The following CLSTN1 variants were observed in gnomAD, a reference collection of about 807,000 sequenced individuals.
CLSTN1 encodes calsyntenin 1, also known as calsyntenin-1.
CLSTN1 carries 28 observed loss-of-function variants against 108.3 expected under a neutral mutation model. The ratio of observed to expected loss-of-function variants is 0.26; its 90% CI spans 0.19 to 0.35. The LOEUF (loss-of-function observed/expected upper bound fraction) is 0.35. CLSTN1 is among the 10% of genes least tolerant of loss of function. The pLI, the probability that CLSTN1 is intolerant of heterozygous loss-of-function variation, is 1.00. For missense variants in CLSTN1, 1,157 were observed against 1,302.6 expected (o/e 0.89, Z 1.72); for synonymous variants, 524 against 534.9 (o/e 0.98, Z 0.28).
intron 11 of CLSTN1, among the ~76,000 whole-genome samples, chr1:9,736,836 G>A (rs1650715978): frequency 6.6e-6 from 1 of 152,142 alleles, no homozygotes; most frequent in South Asian, 2.1e-4. Flanking sequence ...CGCTTCAGGA[G>A]GCCGAGGCGG....
chr1:9,736,834 G>A lies in CLSTN1; in HGVS notation c.1576+664C>T, dbSNP rs185443261. Among the ~76,000 whole-genome samples the A allele has an allele frequency of 2.6e-5, 4 of 152,280 alleles. No homozygotes were observed. In the South Asian group the frequency reaches 6.2e-4, roughly 24 times the overall value. Reference sequence around the variant, plus strand: ...CACGCCTGTAATCCCAGCGCTTCAGGAGGCCGAGGCGGGTGGATCACCTGA... The same window carrying A: ...CACGCCTGTAATCCCAGCGCTTCAGAAGGCCGAGGCGGGTGGATCACCTGA... On this transcript the variant is annotated intron_variant, in intron 11 of 18. Coordinates refer to ENST00000377298, the MANE Select transcript of CLSTN1 (RefSeq NM_001009566.3).
intron 4 of CLSTN1, among the ~76,000 whole-genome samples, chr1:9,754,704 A>C (rs986068517): frequency 1.3e-5 from 2 of 152,008 alleles, no homozygotes; most frequent in African/African-American, 2.4e-5. Flanking sequence ...AAAAATACAA[A>C]ATTAGCTGAG....
chr1:9,772,117 C>T (rs1557707871), intron 2 of CLSTN1, among the ~76,000 whole-genome samples: 2 of 141,550 alleles, frequency 1.4e-5, no homozygotes, highest in African/African-American at 2.6e-5. Context: ...CCTAGGACTA[C>T]AGGCGCCCAC....
At chr1:9,779,118 G>A (rs1443897241) in intron 1 of CLSTN1, among the ~76,000 whole-genome samples, 2 of 152,110 alleles carry the variant, frequency 1.3e-5, no homozygotes, top group Non-Finnish European at 1.5e-5. Flanking sequence ...GGGGTCTGCC[G>A]GCAGGAGGTA....
At chr1:9,808,519 C>G (rs1031826772) in intron 1 of CLSTN1, among the ~76,000 whole-genome samples, 1 of 152,142 alleles carries the variant, frequency 6.6e-6, no homozygotes, top group African/African-American at 2.4e-5. Context: ...AGTTACCTTT[C>G]CAAATCAGAA....
At chr1:9,796,561 G>T (rs1306313756) in intron 1 of CLSTN1, among the ~76,000 whole-genome samples, 1 of 150,756 alleles carries the variant, frequency 6.6e-6, no homozygotes, top group Non-Finnish European at 1.5e-5. Context: ...GCAGGCGCCT[G>T]TAGTCCCAGC....
chr1:9,766,789 A>G (rs1346881542), intron 2 of CLSTN1, among the ~76,000 whole-genome samples: 1 of 152,272 alleles, frequency 6.6e-6, no homozygotes, highest in Non-Finnish European at 1.5e-5. Flanking sequence ...AACACTTGAC[A>G]AATACCAAGA....
chr1:9,815,720 G>T (rs1309176841), intron 1 of CLSTN1, among the ~76,000 whole-genome samples: 1 of 152,160 alleles, frequency 6.6e-6, no homozygotes. Flanking sequence ...TGGATCACTT[G>T]AGGTCAGGAG....
rs201542560 is a variant in CLSTN1 at position 9,769,130 on chromosome 1, T to TGAGAGGGA, written c.214+4134_214+4141dup. 6.0e-3 allele frequency among the ~76,000 whole-genome samples: 509 copies of TGAGAGGGA among 85,448 alleles called. 6 individuals carry two copies. The East Asian group carries it at 0.061, about 10-fold the overall frequency. 56.1% of individuals were successfully genotyped at this position (85,448 alleles called of 152,430 possible). The stretch of plus-strand genomic sequence containing the variant: ...GGGAAGGAGAGAGAGAGGAAGGAAA[T>TGAGAGGGA]GAGAGGGAGAGAGGGAGGGAGGAAG... On this transcript the variant is annotated intron_variant, in intron 2 of 18. Coordinates refer to ENST00000377298, the MANE Select transcript of CLSTN1 (RefSeq NM_001009566.3).
chr1:9,780,854 G>A (rs1423063007), intron 1 of CLSTN1: 1 of 256,268 alleles, frequency 3.9e-6, no homozygotes, highest in Non-Finnish European at 7.2e-6. Context: ...CAGCCATGGC[G>A]AGTAGCCGTG....
intron 4 of CLSTN1, among the ~76,000 whole-genome samples, chr1:9,753,235 G>C (rs780419134): frequency 6.6e-6 from 1 of 152,180 alleles, no homozygotes; most frequent in Non-Finnish European, 1.5e-5. Context: ...ATCTGATACC[G>C]CTGCTGATGT....
chr1:9,809,855 C>A (rs1343124528), intron 1 of CLSTN1, among the ~76,000 whole-genome samples: 1 of 147,942 alleles, frequency 6.8e-6, no homozygotes, highest in Non-Finnish European at 1.5e-5. Context: ...GAACCGAGAT[C>A]ACACCACCGC....
intron 10 of CLSTN1, among the ~76,000 whole-genome samples, chr1:9,739,445 T>C (rs557405421): frequency 6.6e-6 from 1 of 152,352 alleles, no homozygotes; most frequent in South Asian, 2.1e-4. Flanking sequence ...TCAGTTTAAC[T>C]GATTACCCTT....
At chr1:9,777,323 C>T (rs762119302) in intron 1 of CLSTN1, among the ~76,000 whole-genome samples, 2 of 151,188 alleles carry the variant, frequency 1.3e-5, no homozygotes, top group Non-Finnish European at 2.9e-5. Flanking sequence ...AGTTCAAGGC[C>T]AGCCTGACCA....
At chr1:9,800,401 G>A (rs993272418) in intron 1 of CLSTN1, among the ~76,000 whole-genome samples, 8 of 151,542 alleles carry the variant, frequency 5.3e-5, no homozygotes, top group East Asian at 1.9e-4. Flanking sequence ...CAGGAACACC[G>A]CTATAAGACC....
intron 1 of CLSTN1, among the ~76,000 whole-genome samples, chr1:9,811,001 A>G (rs1654733735): frequency 6.6e-6 from 1 of 152,160 alleles, no homozygotes; most frequent in Non-Finnish European, 1.5e-5. Context: ...CCACTGCCAT[A>G]TGCATTACTT....
At chr1:9,790,010 C>T (rs1207564021) in intron 1 of CLSTN1, among the ~76,000 whole-genome samples, 1 of 151,278 alleles carries the variant, frequency 6.6e-6, no homozygotes, top group East Asian at 2.0e-4. Context: ...AAAAACTAAC[C>T]ATAATGGCAG....
intron 1 of CLSTN1, among the ~76,000 whole-genome samples, chr1:9,783,006 CA>C (rs1653321149): frequency 1.3e-5 from 2 of 151,940 alleles, no homozygotes. Flanking sequence ...GACTCCATCT[CA>C]AAAAGAAAAA....
In CLSTN1 at chr1:9,734,017, T is replaced by G. The variant is rs776271865; in HGVS notation, c.2236A>C (p.Lys746Gln). Residue 746 changes from lysine (K) to glutamine (Q), a missense_variant, in exon 15 of 19, where the codon AAG becomes CAG. Physicochemically the swap from Lys to Gln is moderately conservative, Grantham distance 53. Coordinates refer to ENST00000377298, the MANE Select transcript of CLSTN1 (RefSeq NM_001009566.3). This position sits in a 1 kb window ranked among gnomAD's most constrained non-coding sequence, Gnocchi z 4.8. ...TCAGAGCTGCTCACTTCAATGCCCT[T>G]CTGCTGCAGGCGGGCCATGTCCACC... ...LEVDMARLQQKGIEVSSSELG... is the reference protein window; with the variant it reads ...LEVDMARLQQQGIEVSSSELG... 2.5e-6 allele frequency: 4 copies of G among 1,614,134 alleles called. No homozygotes were observed. The East Asian group carries it at 8.9e-5, about 36-fold the overall frequency.
Sources: gnomAD v4.1 joint callset for allele counts (sites outside exome capture counted in the v4.1 genomes callset) on GRCh38, gnomAD v4.1.1 for gene constraint, Gnocchi (gnomAD v3.1) non-coding constraint, MANE v1.5 for transcripts, NCBI Gene and HGNC (gene_info 2026-07-23, HGNC 2026-07-21) for gene names.